The following TRRAP variants were observed in gnomAD, a reference collection of about 807,000 sequenced individuals.
The protein encoded by TRRAP is transformation/transcription domain-associated protein.
In TRRAP, 41 loss-of-function variants were observed where a neutral mutation model predicts 438.8. The ratio of observed to expected loss-of-function variants is 0.09; its 90% CI spans 0.07 to 0.12. TRRAP has a LOEUF of 0.12. TRRAP is among the 10% of genes least tolerant of loss of function. The pLI is 1.00. For missense variants in TRRAP, 3,122 were observed against 5,055.1 expected, an observed-to-expected ratio of 0.62 and a Z score of 11.60; for synonymous variants, 1,994 against 1,962.9, an observed-to-expected ratio of 1.02 and a Z score of -0.42.
In TRRAP at chr7:98,910,365, G is replaced by C; in HGVS notation, c.1660G>C (p.Val554Leu). Reference protein sequence around the residue: ...TDCRSLVKTLVCGVKTITWGI... With the variant: ...TDCRSLVKTLLCGVKTITWGI... ...CTGTCGAAGTTTGGTCAAAACCTTG[G>C]TGTGTGGTGTCAAGACAATCACGTG... Residue 554 changes from valine to leucine, a missense_variant, in exon 15 of 73, where the codon GTG becomes CTG. Coordinates refer to ENST00000456197, the MANE Select transcript of TRRAP (RefSeq NM_001375524.1). The C allele has an allele frequency of 6.2e-7, 1 of 1,609,844 alleles. No individual in the cohort carries two copies. Among genetic ancestry groups the C allele is most frequent in the Non-Finnish European group, 8.5e-7 (1 of 1,179,020 alleles).
intron 47 of TRRAP, 105 bp from the exon 48 acceptor site, chr7:98,964,524 C>A: frequency 1.5e-6 from 2 of 1,368,536 alleles, no homozygotes; most frequent in Non-Finnish European, 2.0e-6. Context: ...CTGGGATTAA[C>A]TATGCTTTTG....
chr7:98,936,746 C>T (rs1206266245), intron 28 of TRRAP, among the ~76,000 whole-genome samples: 1 of 152,120 alleles, frequency 6.6e-6, no homozygotes, highest in African/African-American at 2.4e-5. Context: ...CTTCTTCCCC[C>T]TCAAGCTTTC....
intron 14 of TRRAP, among the ~76,000 whole-genome samples, chr7:98,909,735 T>G (rs1554408273): frequency 1.3e-5 from 2 of 152,176 alleles, no homozygotes; most frequent in African/African-American, 4.8e-5. Flanking sequence ...TCACTCAGCC[T>G]TCCTGAGCCA....
chr7:98,932,529 AG>A (rs1790369030), intron 26 of TRRAP, among the ~76,000 whole-genome samples: 1 of 152,038 alleles, frequency 6.6e-6, no homozygotes. Context: ...TTTTTTATAA[AG>A]ATGGGCTCTC....
At chr7:98,984,475 A>C in intron 61 of TRRAP, 117 bp downstream of exon 61, 2 of 1,272,450 alleles carry the variant, frequency 1.6e-6, no homozygotes, top group Non-Finnish European at 2.1e-6. Flanking sequence ...AACTTTCCAC[A>C]AATACAGCCT....
intron 27 of TRRAP, among the ~76,000 whole-genome samples, chr7:98,934,692 A>G (rs1554413829): frequency 6.6e-6 from 1 of 152,178 alleles, no homozygotes; most frequent in Non-Finnish European, 1.5e-5. Context: ...CCACTGTCTG[A>G]AAGCTTCCCA....
At chr7:98,985,660 G>A (rs976834590) in intron 62 of TRRAP, among the ~76,000 whole-genome samples, 1 of 152,216 alleles carries the variant, frequency 6.6e-6, no homozygotes, top group Non-Finnish European at 1.5e-5. Flanking sequence ...ACAAGATGCT[G>A]CCTGTTGCCT....
chr7:98,981,279 G>GT (rs1018589967), intron 58 of TRRAP, among the ~76,000 whole-genome samples: 2 of 152,166 alleles, frequency 1.3e-5, no homozygotes, highest in Non-Finnish European at 2.9e-5. Context: ...GCACACGCCT[G>GT]TAATCCCAGC....
rs201053093 is a variant in TRRAP at position 98,880,262 on chromosome 7, GTTT to G, written c.-61-813_-61-811del. ...CTGCCTGCGTTTTGTTGTTGTTGTT[GTTT>G]TTTTTTTTTTTTTTCCGAGACTGAA... On this transcript the variant is annotated intron_variant, in intron 1 of 72. Coordinates refer to ENST00000456197, the MANE Select transcript of TRRAP (RefSeq NM_001375524.1). Among the ~76,000 whole-genome samples the G allele has an allele frequency of 5.5e-3, 726 of 132,102 alleles. 11 individuals carry two copies. Among genetic ancestry groups the G allele is most frequent in the African/African-American group, 0.019 (673 of 35,020 alleles). 86.7% of individuals were successfully genotyped at this position (132,102 alleles called of 152,430 possible).
chr7:98,962,454 G>C, intron 47 of TRRAP, 27 bp downstream of exon 47: 1 of 1,613,562 alleles, frequency 6.2e-7, no homozygotes, highest in East Asian at 2.2e-5. Flanking sequence ...CCTGGTGTTC[G>C]TGGTGGCTCA....
At position 98,931,443 on chromosome 7, in the gene TRRAP, G is replaced by A. The variant is rs2116515733; in HGVS notation, c.3630G>A (p.Leu1210=). ...CAGTCGCTATGGCAAAGACCACGCT[G>A]GAGCAGCTTCTGATGCGGTGCGCAA... ...NGAVAMAKTT[L]EQLLMRCATP... Residue 1210 remains leucine, a synonymous_variant, in exon 26 of 73, where the codon CTG becomes CTA. Coordinates refer to ENST00000456197, the MANE Select transcript of TRRAP (RefSeq NM_001375524.1). 2 of 1,614,138 alleles carry A rather than the reference G, an allele frequency of 1.2e-6. No individual in the cohort carries two copies. The highest frequency in any genetic ancestry group is 2.2e-5 in the South Asian group (2 of 91,080).
At chr7:98,899,314 C>G in intron 8 of TRRAP, 108 bp from the exon 9 acceptor site, 1 of 862,974 alleles carries the variant, frequency 1.2e-6, no homozygotes. Context: ...AGAGGTGTCA[C>G]TGTTTTCCGT....
intron 62 of TRRAP, among the ~76,000 whole-genome samples, chr7:98,988,219 C>T (rs928549277): frequency 3.3e-5 from 5 of 152,134 alleles, no homozygotes; most frequent in African/African-American, 1.2e-4. Context: ...AACAGTTTGA[C>T]GGTTCCACAA....
chr7:98,955,820 A>G (rs557315270), intron 41 of TRRAP, among the ~76,000 whole-genome samples: 2 of 152,154 alleles, frequency 1.3e-5, no homozygotes, highest in South Asian at 2.1e-4. Context: ...AACTTTTACA[A>G]TGTCAAGTTC....
chr7:98,970,780 G>C (rs1289383104), intron 52 of TRRAP, among the ~76,000 whole-genome samples: 3 of 152,196 alleles, frequency 2.0e-5, no homozygotes, highest in African/African-American at 7.2e-5. Flanking sequence ...AATGCTGCCT[G>C]CCACACAGGG....
At position 98,978,837 on chromosome 7, in the gene TRRAP, C is replaced by T; in HGVS notation, c.8567C>T (p.Pro2856Leu). 1 of 1,614,260 alleles carries T rather than the reference C, an allele frequency of 6.2e-7. No homozygotes were observed. Among genetic ancestry groups the T allele is most frequent in the South Asian group, 1.1e-5 (1 of 91,086 alleles). ...GGTCAGTCCAAAGGCCACATCAACC[C>T]CTACCTCGTCCTGGAGTGCGCCTGG... ...EYGQSKGHIN[P>L]YLVLECAWRV... Residue 2856 changes from proline (P) to leucine (L), a missense_variant, in exon 58 of 73, where the codon CCC (proline) becomes CTC (leucine). Coordinates refer to ENST00000456197, the MANE Select transcript of TRRAP (RefSeq NM_001375524.1).
intron 58 of TRRAP, among the ~76,000 whole-genome samples, chr7:98,979,215 A>G (rs1792800344): frequency 6.6e-6 from 1 of 152,202 alleles, no homozygotes; most frequent in Non-Finnish European, 1.5e-5. Context: ...TGTTCCTTAG[A>G]GAAATAACCA....
intron 27 of TRRAP, among the ~76,000 whole-genome samples, 173 bp downstream of exon 27, chr7:98,933,575 C>T (rs782390739): frequency 4.6e-5 from 7 of 152,262 alleles, no homozygotes; most frequent in African/African-American, 1.2e-4. Context: ...CGTCTGGGCT[C>T]GGGCGGAAGG....
Position 98,976,249 on chromosome 7 carries a change from T to C in TRRAP, c.7940T>C (p.Leu2647Pro). The change falls in exon 54 of 73, where the codon CTC becomes CCC. Residue 2647 changes from leucine to proline, a missense_variant. This residue lies in a region of TRRAP where 992 missense variants were observed against 1,281.2 expected (regional missense o/e 0.77). Transcript: ENST00000456197. The surrounding 1 kb of genome is among the most constrained non-coding windows in gnomAD (Gnocchi z 4.6). The part of the protein sequence containing the change: ...VQLFPRLWKI[L>P]SDRQQHALAG... ...CTTTTCCCCAGATTGTGGAAGATCCTCTCTGACAGACAGCAGCATGTGAGT... is the reference window on the plus strand; with the variant it reads ...CTTTTCCCCAGATTGTGGAAGATCCCCTCTGACAGACAGCAGCATGTGAGT... The C allele has an allele frequency of 6.2e-7, 1 of 1,614,214 alleles. No homozygotes were observed. Among genetic ancestry groups the C allele is most frequent in the Admixed American group, 1.7e-5 (1 of 60,024 alleles).
Sources: allele counts gnomAD v4.1 joint callset (sites outside exome capture counted in the v4.1 genomes callset), GRCh38; gene constraint gnomAD v4.1.1; regional missense constraint gnomAD v4.1.1; non-coding constraint Gnocchi (gnomAD v3.1); transcripts MANE v1.5; gene names NCBI Gene and HGNC (gene_info 2026-07-23, HGNC 2026-07-21).